Variants in CALCOCO2 observed in about 807,000 individuals in gnomAD.
The protein encoded by CALCOCO2 is calcium binding and coiled-coil domain 2, also known as calcium-binding and coiled-coil domain-containing protein 2.
CALCOCO2 carries 42 observed loss-of-function variants against 62.5 expected under a neutral mutation model. The ratio of observed to expected loss-of-function variants is 0.67; its 90% CI spans 0.53 to 0.87. CALCOCO2 has a LOEUF of 0.87. Among genes scored for constraint, CALCOCO2 ranks in the 40% least tolerant of loss-of-function variants. The pLI is 0.00. For synonymous variants in CALCOCO2, 167 were observed against 173.0 expected (o/e 0.97, Z 0.27); for missense variants, 456 against 515.0 (o/e 0.89, Z 1.11).
intron 2 of CALCOCO2, chr17:48,845,944 C>T (rs894863140): frequency 9.0e-6 from 5 of 558,060 alleles, no homozygotes; most frequent in Non-Finnish European, 1.5e-5. Context: ...TTCCTTTGAG[C>T]AACAGATAGT....
rs377168628 is a variant in CALCOCO2 at position 48,858,021 on chromosome 17, ATAG to A, written c.1008+1835_1008+1837del. On this transcript the variant is annotated intron_variant, in intron 10 of 12. Coordinates refer to ENST00000258947, the MANE Select transcript of CALCOCO2 (RefSeq NM_005831.5). ...ATAGAATAGAATAGAATAGAATAGA[ATAG>A]AATAGAATAGAATAGAATAGAAAAT... Among the ~76,000 whole-genome samples the A allele has an allele frequency of 5.7e-4, 8 of 13,992 alleles. No individual in the cohort carries two copies. In the East Asian group the frequency reaches 7.1e-3, roughly 12 times the overall value. The allele number at this position is 13,992 out of a possible 152,430, so 9.2% of individuals were successfully genotyped here. A position where few individuals can be genotyped will look rare whatever the true frequency, so the allele number is the denominator to read the frequency against.
chr17:48,857,978 A>T (rs7214393), intron 10 of CALCOCO2, among the ~76,000 whole-genome samples: 2,446 of 23,804 alleles, frequency 0.1, 95 homozygotes, highest in African/African-American at 0.19. Flanking sequence ...CTACATCAAT[A>T]GAATAGAATA....
Position 48,862,901 on chromosome 17 carries a change from C to T in CALCOCO2, c.1237C>T (p.Gln413Ter). Reference protein sequence around the residue: ...DDICDHTLEQQQMQPLCFNCP... With the variant: ...DDICDHTLEQ The stretch of plus-strand genomic sequence containing the variant: ...TATTTGTGATCACACCTTGGAGCAA[C>T]AGCAGATGCAGCCCCTTTGTTTCAA... Residue 413 changes from glutamine (Q) to a stop codon, truncating the protein, a stop_gained, in exon 13 of 13, where the codon CAG becomes TAG. Transcript: ENST00000258947. LOFTEE classifies it high-confidence loss of function. The T allele has an allele frequency of 6.2e-7, 1 of 1,613,606 alleles. No homozygotes were observed. The highest frequency in any genetic ancestry group is 8.5e-7 in the Non-Finnish European group (1 of 1,179,462).
intron 11 of CALCOCO2, among the ~76,000 whole-genome samples, chr17:48,861,726 A>T (rs2040331171): frequency 6.8e-6 from 1 of 147,146 alleles, no homozygotes; most frequent in Non-Finnish European, 1.5e-5. Flanking sequence ...TACAATTTTC[A>T]TTTGTAATTT....
At chr17:48,855,766 A>G (rs530039076) in intron 9 of CALCOCO2, 1 of 166,894 alleles carries the variant, frequency 6.0e-6, no homozygotes, top group South Asian at 1.9e-4. Flanking sequence ...GTGGGATTCA[A>G]CAAGGTTTCA....
rs201185302 is a variant in CALCOCO2 at position 48,851,514 on chromosome 17, C to T, written c.633-45C>T. The stretch of plus-strand genomic sequence containing the variant: ...ATCACTTAAGGCCAGGGGTAGCTGA[C>T]CTGGAATCAGTGAATTTTTCACATA... On this transcript the variant is annotated intron_variant, in intron 6 of 12. Coordinates refer to ENST00000258947, the MANE Select transcript of CALCOCO2 (RefSeq NM_005831.5). 82 of 1,112,938 alleles carry T rather than the reference C, an allele frequency of 7.4e-5. No homozygotes were observed. In the African/African-American group the frequency reaches 8.3e-4, roughly 11 times the overall value. 68.9% of individuals were successfully genotyped at this position (1,112,938 alleles called of 1,614,324 possible). A position where few individuals can be genotyped will look rare whatever the true frequency, so the allele number is the denominator to read the frequency against.
intron 10 of CALCOCO2, among the ~76,000 whole-genome samples, chr17:48,857,997 T>TAGA (rs1567759080): frequency 5.1e-5 from 1 of 19,552 alleles, no homozygotes; most frequent in South Asian, 4.2e-3. Flanking sequence ...TAGAATAGAA[T>TAGA]AGAATAGAAT....
At chr17:48,851,962 T>A (rs2040138109) in intron 7 of CALCOCO2, among the ~76,000 whole-genome samples, 1 of 151,944 alleles carries the variant, frequency 6.6e-6, no homozygotes, top group South Asian at 2.1e-4. Flanking sequence ...CAAAACCCCG[T>A]CTCTACTAAA....
chr17:48,834,998 G>T (rs2039871160), intron 1 of CALCOCO2, among the ~76,000 whole-genome samples: 2 of 152,098 alleles, frequency 1.3e-5, no homozygotes, highest in African/African-American at 4.8e-5. Context: ...GTGAGCCATG[G>T]CTGTGCCACT....
chr17:48,840,376 C>T (rs542765537), intron 1 of CALCOCO2, among the ~76,000 whole-genome samples: 109 of 152,260 alleles, frequency 7.2e-4, no homozygotes, highest in African/African-American at 2.0e-3. Context: ...AAAGATCCAC[C>T]CGCCTCTGCC....
chr17:48,836,444 A>T (rs1359136768), intron 1 of CALCOCO2, among the ~76,000 whole-genome samples: 1 of 152,196 alleles, frequency 6.6e-6, no homozygotes, highest in Non-Finnish European at 1.5e-5. Context: ...CACCCTTACC[A>T]TTGTTTACCT....
In CALCOCO2 at chr17:48,863,925, G is replaced by GA. The variant is rs1192657704; in HGVS notation, c.*922dup. ...AAAATTGTGATCAAAAGGGCTATGG[G>GA]AAGGGCAGACCCCGCCAATGATTTC... On this transcript the variant is annotated 3_prime_UTR_variant, in exon 13 of 13. Transcript: ENST00000258947. 2.6e-5 allele frequency: 4 copies of GA among 152,064 alleles called. No homozygotes were observed. The highest frequency in any genetic ancestry group is 9.7e-5 in the African/African-American group (4 of 41,400). The allele number at this position is 152,064 out of a possible 1,614,324, so 9.4% of individuals were successfully genotyped here.
rs954242580 is a variant in CALCOCO2, at chr17:48,846,043, A to C, written c.181-2021A>C. 3 of 1,474,394 alleles carry C rather than the reference A, an allele frequency of 2.0e-6. No individual in the cohort carries two copies. The African/African-American group carries it at 4.2e-5, about 21-fold the overall frequency. The allele number at this position is 1,474,394 out of a possible 1,614,324, so 91.3% of individuals were successfully genotyped here. ...CCCAGTGTTCTTTCAGTGTAGTCTT[A>C]ATCAGACTATTCAACTCCTCATCAC... On this transcript the variant is annotated intron_variant, in intron 2 of 12. Transcript: ENST00000258947.
intron 1 of CALCOCO2, among the ~76,000 whole-genome samples, chr17:48,832,165 G>A (rs2039823320): frequency 1.3e-5 from 2 of 152,208 alleles, no homozygotes; most frequent in Admixed American, 6.5e-5. Flanking sequence ...GGCCCAGGCG[G>A]GCAGAATCAC....
In CALCOCO2 at chr17:48,861,659, G is replaced by GTATATATATATATATATATATATATA. The variant is rs367595425; in HGVS notation, c.1145-616_1145-615insATATATATATATATATATATATATAT. Among the ~76,000 whole-genome samples, 343 of 135,048 alleles carry GTATATATATATATATATATATATATA rather than the reference G, an allele frequency of 2.5e-3. 11 individuals are homozygous for GTATATATATATATATATATATATATA. The highest frequency in any genetic ancestry group is 9.8e-3 in the African/African-American group (311 of 31,822). 88.6% of individuals were successfully genotyped at this position (135,048 alleles called of 152,430 possible). ...TATATGTATATATATATATGTGTGT[G>GTATATATATATATATATATATATATA]TGTATATATATATATATAAAGCCTG... is the stretch of plus-strand genomic sequence containing the variant. On this transcript the variant is annotated intron_variant, in intron 11 of 12. Transcript: ENST00000258947.
intron 1 of CALCOCO2, among the ~76,000 whole-genome samples, chr17:48,835,051 A>AC (rs2039872597): frequency 8.4e-6 from 1 of 119,058 alleles, no homozygotes; most frequent in African/African-American, 4.8e-5. Flanking sequence ...GCCCCCCCGC[A>AC]AAAAAAATAA....
At position 48,857,414 on chromosome 17, in the gene CALCOCO2, C is replaced by T. The variant is rs540389181; in HGVS notation, c.1008+1227C>T. Among the ~76,000 whole-genome samples the T allele has an allele frequency of 6.4e-4, 96 of 149,350 alleles. No homozygotes were observed. In the South Asian group the frequency reaches 0.02, roughly 30 times the overall value. On this transcript the variant is annotated intron_variant, in intron 10 of 12. Transcript: ENST00000258947. ...GTTTCTCCATGTTGGTCAGGCTGGT[C>T]TCGAACTCCTGACCTGAGGTGATCC... is the stretch of plus-strand genomic sequence containing the variant.
intron 7 of CALCOCO2, 192 bp downstream of exon 7, chr17:48,851,820 G>T: frequency 4.1e-6 from 2 of 486,162 alleles, no homozygotes. Context: ...CCATGCCCCT[G>T]CTTTTAAAAA....
intron 1 of CALCOCO2, among the ~76,000 whole-genome samples, chr17:48,840,955 G>C (rs1487348360): frequency 6.6e-6 from 1 of 152,162 alleles, no homozygotes; most frequent in Non-Finnish European, 1.5e-5. Context: ...TGTGTGAAGT[G>C]CCTACAATGG....
Sources: allele counts gnomAD v4.1 joint callset (sites outside exome capture counted in the v4.1 genomes callset), GRCh38; gene constraint gnomAD v4.1.1; transcripts MANE v1.5; gene names NCBI Gene and HGNC (gene_info 2026-07-23, HGNC 2026-07-21).